GNB1: variants seen among roughly 807,000 people sequenced by gnomAD.
GNB1 encodes the protein G protein subunit beta 1.
GNB1 carries 2 observed loss-of-function variants against 42.9 expected under a neutral mutation model. The ratio of observed to expected loss-of-function variants is 0.05; its 90% CI spans 0.02 to 0.15. GNB1 has a LOEUF of 0.15. GNB1 is among the 10% of genes least tolerant of loss of function. The pLI, the probability that GNB1 is intolerant of heterozygous loss-of-function variation, is 1.00. For missense variants in GNB1, 193 were observed against 462.2 expected (o/e 0.42, Z 5.34); for synonymous variants, 183 against 174.7 (o/e 1.05, Z -0.38).
intron 4 of GNB1, among the ~76,000 whole-genome samples, chr1:1,816,192 T>A (rs1646852916): frequency 6.6e-6 from 1 of 152,220 alleles, no homozygotes; most frequent in Non-Finnish European, 1.5e-5. Context: ...CCTAGGTCTC[T>A]GAGTTCTTTG....
At chr1:1,855,703 C>CA (rs1040598363) in intron 1 of GNB1, among the ~76,000 whole-genome samples, 3,117 of 129,352 alleles carry the variant, frequency 0.024, 56 homozygotes, top group Non-Finnish European at 0.034. Context: ...GACTCCGTCT[C>CA]AAAAAAAAAA....
At chr1:1,871,508 T>C (rs539732775) in intron 1 of GNB1, among the ~76,000 whole-genome samples, 82 of 152,128 alleles carry the variant, frequency 5.4e-4, no homozygotes, top group Middle Eastern at 6.8e-3. Context: ...CACCCTACAC[T>C]GTCACATCCC....
chr1:1,880,687 G>A (rs1649798097), intron 1 of GNB1, among the ~76,000 whole-genome samples: 2 of 152,084 alleles, frequency 1.3e-5, no homozygotes, highest in Admixed American at 6.6e-5. Flanking sequence ...CACACTTTGA[G>A]AACCACTGCT....
chr1:1,794,339 A>C (rs1646519559), intron 7 of GNB1: 1 of 152,142 alleles, frequency 6.6e-6, no homozygotes. Context: ...CAAGTTGTTA[A>C]TGACTTCTGT....
intron 3 of GNB1, among the ~76,000 whole-genome samples, chr1:1,819,224 TA>T (rs1374308339): frequency 6.6e-6 from 1 of 151,812 alleles, no homozygotes; most frequent in East Asian, 1.9e-4. Flanking sequence ...TAATCACAAC[TA>T]TTTTTTTTTT....
chr1:1,829,952 C>A (rs1248863090), intron 2 of GNB1, among the ~76,000 whole-genome samples: 2 of 151,888 alleles, frequency 1.3e-5, no homozygotes, highest in Admixed American at 6.6e-5. Context: ...GTTGGCCAGG[C>A]TGGTCTTGAA....
chr1:1,853,553 G>A (rs1648102205), intron 1 of GNB1, among the ~76,000 whole-genome samples: 1 of 151,926 alleles, frequency 6.6e-6, no homozygotes, highest in Non-Finnish European at 1.5e-5. Context: ...TCCCCACCAA[G>A]CAAGAAAAAA....
chr1:1,879,799 A>G (rs970424216), intron 1 of GNB1, among the ~76,000 whole-genome samples: 4 of 152,114 alleles, frequency 2.6e-5, no homozygotes, highest in African/African-American at 9.7e-5. Context: ...TGTCTGCCTC[A>G]ATGGGAGCAA....
chr1:1,797,073 A>AC (rs199593278), intron 7 of GNB1, among the ~76,000 whole-genome samples: 1 of 152,174 alleles, frequency 6.6e-6, no homozygotes, highest in East Asian at 1.9e-4. Flanking sequence ...ATGGCTGCCG[A>AC]CCCAAAGACA....
intron 8 of GNB1, among the ~76,000 whole-genome samples, chr1:1,792,590 C>T (rs1390744668): frequency 1.3e-5 from 2 of 148,344 alleles, no homozygotes; most frequent in African/African-American, 2.5e-5. Flanking sequence ...CCCAGCTACT[C>T]GGGAGGCTGA....
chr1:1,807,477 A>AC (rs1557892188), intron 5 of GNB1, among the ~76,000 whole-genome samples: 4 of 148,228 alleles, frequency 2.7e-5, no homozygotes, highest in Non-Finnish European at 6.0e-5. Context: ...AAAAAAAAAA[A>AC]AAAAAAAAAA....
In GNB1 at chr1:1,787,497, G is replaced by A. The variant is rs976238806; in HGVS notation, c.917-60C>T. The A allele has an allele frequency of 4.0e-6, 4 of 1,009,034 alleles. No homozygotes were observed. In the African/African-American group the frequency reaches 6.3e-5, roughly 16 times the overall value. The allele number at this position is 1,009,034 out of a possible 1,614,324, so 62.5% of individuals were successfully genotyped here. Reference sequence around the variant, plus strand: ...CCAGAGGCATCGATCTCACCTGTGTGCCATGTTGTGACGAGGACGGATGGT... The same window carrying A: ...CCAGAGGCATCGATCTCACCTGTGTACCATGTTGTGACGAGGACGGATGGT... On this transcript the variant is annotated intron_variant, in intron 10 of 11. Coordinates refer to ENST00000378609, the MANE Select transcript of GNB1 (RefSeq NM_002074.5). This position sits in a 1 kb window ranked among gnomAD's most constrained non-coding sequence, Gnocchi z 4.4.
chr1:1,828,914 A>AC (rs1444142352), intron 2 of GNB1, among the ~76,000 whole-genome samples: 3 of 141,472 alleles, frequency 2.1e-5, no homozygotes, highest in Non-Finnish European at 3.1e-5. Flanking sequence ...CACACACACA[A>AC]TTTTTGTTAG....
intron 5 of GNB1, among the ~76,000 whole-genome samples, chr1:1,814,924 A>G (rs1191466629): frequency 6.6e-6 from 1 of 151,870 alleles, no homozygotes; most frequent in Non-Finnish European, 1.5e-5. Context: ...CATCCTGGCT[A>G]ACATGGTGAA....
At chr1:1,809,953 G>A (rs1218590733) in intron 5 of GNB1, among the ~76,000 whole-genome samples, 1 of 152,152 alleles carries the variant, frequency 6.6e-6, no homozygotes, top group Non-Finnish European at 1.5e-5. Context: ...ACTCAAAGGA[G>A]GGAGGGTGGT....
rs188550940 is a variant in GNB1, at chr1:1,818,632, G to A, written c.58-757C>T. 8.7e-3 allele frequency among the ~76,000 whole-genome samples: 1,331 copies of A among 152,246 alleles called. 10 individuals are homozygous for A. Among genetic ancestry groups the A allele is most frequent in the Middle Eastern group, 0.02 (6 of 294 alleles). On this transcript the variant is annotated intron_variant, in intron 3 of 11. Transcript: ENST00000378609. ...AATCCCAGCACTTTGGGAGGCCGAG[G>A]TGGGTGGATCACCTGAGGTCAGGAG...
chr1:1,881,847 T>C (rs545108136), intron 1 of GNB1, among the ~76,000 whole-genome samples: 1 of 152,298 alleles, frequency 6.6e-6, no homozygotes, highest in African/African-American at 2.4e-5. Flanking sequence ...CACAGTATTG[T>C]GCGGGGTGCT....
intron 1 of GNB1, among the ~76,000 whole-genome samples, chr1:1,879,898 T>C (rs1649747880): frequency 1.3e-5 from 2 of 152,060 alleles, no homozygotes; most frequent in South Asian, 2.1e-4. Context: ...CACATAGATA[T>C]GCAGCTGGAA....
At chr1:1,858,780 TGCTCCAAC>T (rs1467222201) in intron 1 of GNB1, among the ~76,000 whole-genome samples, 1 of 152,216 alleles carries the variant, frequency 6.6e-6, no homozygotes, top group African/African-American at 2.4e-5. Flanking sequence ...AGGGGGTTCG[TGCTCCAAC>T]AGCAGATGGA....
Sources: gnomAD v4.1 joint callset for allele counts (sites outside exome capture counted in the v4.1 genomes callset) on GRCh38, gnomAD v4.1.1 for gene constraint, Gnocchi (gnomAD v3.1) non-coding constraint, MANE v1.5 for transcripts, NCBI Gene and HGNC (gene_info 2026-07-23, HGNC 2026-07-21) for gene names.